CNTNAP2: variants seen among roughly 807,000 people sequenced by gnomAD.
CNTNAP2 encodes the protein contactin associated protein 2.
CNTNAP2 carries 98 observed loss-of-function variants against 155.2 expected under a neutral mutation model. The ratio of observed to expected loss-of-function variants is 0.63; its 90% CI spans 0.54 to 0.75. The LOEUF (loss-of-function observed/expected upper bound fraction) is 0.75. Ranked by LOEUF, CNTNAP2 falls within the 30% of genes least tolerant of loss-of-function variation. The pLI is 0.00. For missense variants in CNTNAP2, 1,727 were observed against 1,688.1 expected (o/e 1.02, Z -0.40); for synonymous variants, 651 against 631.2 (o/e 1.03, Z -0.47).
intron 2 of CNTNAP2, among the ~76,000 whole-genome samples, chr7:146,831,010 G>A (rs748999781): frequency 6.6e-6 from 1 of 152,074 alleles, no homozygotes; most frequent in Non-Finnish European, 1.5e-5. Context: ...CAGATATTTT[G>A]TCAAATGCTT....
chr7:147,756,983 G>A (rs1227434044), intron 13 of CNTNAP2, among the ~76,000 whole-genome samples: 1 of 152,202 alleles, frequency 6.6e-6, no homozygotes, highest in Non-Finnish European at 1.5e-5. Flanking sequence ...TAGTCAGATA[G>A]TTGTAGCATG....
chr7:146,213,461 G>A (rs867191133), intron 1 of CNTNAP2, among the ~76,000 whole-genome samples: 13 of 152,188 alleles, frequency 8.5e-5, no homozygotes, highest in Admixed American at 3.9e-4. Flanking sequence ...TTTACATGAC[G>A]ACACTGAAAA....
At chr7:148,398,900 T>G (rs1407648346) in intron 22 of CNTNAP2, among the ~76,000 whole-genome samples, 1 of 152,210 alleles carries the variant, frequency 6.6e-6, no homozygotes, top group Non-Finnish European at 1.5e-5. Flanking sequence ...CTTAAAAATA[T>G]CCCTTTTTGA....
chr7:146,603,343 C>T lies in CNTNAP2; in HGVS notation c.98-170928C>T, dbSNP rs1407401238. Among the ~76,000 whole-genome samples, 23 of 150,162 alleles carry T rather than the reference C, an allele frequency of 1.5e-4. 2 individuals are homozygous for T. The highest frequency in any genetic ancestry group is 1.5e-4 in the African/African-American group (6 of 40,912). On this transcript the variant is annotated intron_variant, in intron 1 of 23. Coordinates refer to ENST00000361727, the MANE Select transcript of CNTNAP2 (RefSeq NM_014141.6). Reference sequence around the variant, plus strand: ...AGGAGAATGGTGTGAACCCAGGAGGCGGAACTTGCAGTGAGCCGAGACCGC... The same window carrying T: ...AGGAGAATGGTGTGAACCCAGGAGGTGGAACTTGCAGTGAGCCGAGACCGC...
At chr7:147,804,172 A>T (rs1344890995) in intron 13 of CNTNAP2, among the ~76,000 whole-genome samples, 1 of 152,220 alleles carries the variant, frequency 6.6e-6, no homozygotes, top group Non-Finnish European at 1.5e-5. Context: ...AAGCTGCCAG[A>T]TCTATAAAGG....
intron 21 of CNTNAP2, among the ~76,000 whole-genome samples, chr7:148,363,631 C>T (rs542221188): frequency 6.6e-6 from 1 of 152,262 alleles, no homozygotes; most frequent in East Asian, 1.9e-4. Flanking sequence ...TCCTTGGGTT[C>T]CTTTTGAGAG....
chr7:146,399,197 ACTTT>A (rs1795678963), intron 1 of CNTNAP2, among the ~76,000 whole-genome samples: 1 of 152,162 alleles, frequency 6.6e-6, no homozygotes, highest in Non-Finnish European at 1.5e-5. Flanking sequence ...TAATGAGAAC[ACTTT>A]CTTAGCAATT....
At chr7:146,843,217 T>A (rs1188553768) in intron 3 of CNTNAP2, among the ~76,000 whole-genome samples, 3 of 140,480 alleles carry the variant, frequency 2.1e-5, no homozygotes, top group South Asian at 2.3e-4. Flanking sequence ...TTTCACCTTG[T>A]TAGCCAGGAT....
chr7:146,971,434 A>G (rs986435878), intron 3 of CNTNAP2, among the ~76,000 whole-genome samples: 3 of 152,206 alleles, frequency 2.0e-5, no homozygotes, highest in African/African-American at 7.2e-5. Flanking sequence ...AGGTGTCTAT[A>G]TCTGAGAAAA....
At chr7:148,176,375 C>T (rs968504720) in intron 18 of CNTNAP2, among the ~76,000 whole-genome samples, 3 of 151,952 alleles carry the variant, frequency 2.0e-5, no homozygotes, top group African/African-American at 7.2e-5. Flanking sequence ...GCACCCATCA[C>T]CACATCCAGC....
At chr7:147,991,628 T>A (rs751011283) in intron 15 of CNTNAP2, among the ~76,000 whole-genome samples, 1 of 152,192 alleles carries the variant, frequency 6.6e-6, no homozygotes, top group Admixed American at 6.5e-5. Context: ...CTTTGGCAAT[T>A]CTAAATTAAG....
intron 13 of CNTNAP2, among the ~76,000 whole-genome samples, chr7:147,738,930 C>T (rs1402167618): frequency 1.3e-5 from 2 of 152,140 alleles, no homozygotes; most frequent in Non-Finnish European, 2.9e-5. Context: ...GCTGGAATTA[C>T]AGGTGTGAGC....
Position 147,639,399 on chromosome 7 carries a change from T to C in CNTNAP2, c.2098+93T>C. On this transcript the variant is annotated intron_variant, in intron 13 of 23. Transcript: ENST00000361727. ...CCAACAGGTGTGGTTCATTATCTTA[T>C]AGTCTAGTCTTCAGTAGGAAGGAAG... is the stretch of plus-strand genomic sequence containing the variant. 5 of 1,176,210 alleles carry C rather than the reference T, an allele frequency of 4.3e-6. No homozygotes were observed. In the East Asian group the frequency reaches 7.6e-5, roughly 18 times the overall value. 72.9% of individuals were successfully genotyped at this position (1,176,210 alleles called of 1,614,324 possible).
chr7:147,404,136 T>C (rs536431283), intron 10 of CNTNAP2, among the ~76,000 whole-genome samples: 10 of 152,308 alleles, frequency 6.6e-5, no homozygotes, highest in African/African-American at 2.4e-4. Flanking sequence ...ATGATAATTA[T>C]TGATAAGAGG....
intron 3 of CNTNAP2, among the ~76,000 whole-genome samples, chr7:146,856,230 T>C (rs1794979697): frequency 6.6e-6 from 1 of 151,538 alleles, no homozygotes; most frequent in Admixed American, 6.6e-5. Flanking sequence ...GATAGGTAGG[T>C]AGGTAGACAG....
At chr7:146,340,991 TC>T (rs1213435376) in intron 1 of CNTNAP2, among the ~76,000 whole-genome samples, 1 of 152,206 alleles carries the variant, frequency 6.6e-6, no homozygotes, top group East Asian at 1.9e-4. Flanking sequence ...CTATTGAAAT[TC>T]CTTTTATCAG....
intron 13 of CNTNAP2, among the ~76,000 whole-genome samples, chr7:147,644,724 A>G (rs1315782512): frequency 6.6e-6 from 1 of 152,192 alleles, no homozygotes; most frequent in Non-Finnish European, 1.5e-5. Flanking sequence ...CAATACTAAT[A>G]CTTTTAGATA....
chr7:147,919,168 T>C (rs916079583), intron 14 of CNTNAP2, among the ~76,000 whole-genome samples: 3 of 151,950 alleles, frequency 2.0e-5, no homozygotes, highest in Non-Finnish European at 4.4e-5. Context: ...GACAAGGAAA[T>C]TGACTCTCAC....
chr7:146,897,690 G>C lies in CNTNAP2; in HGVS notation c.402+57786G>C, dbSNP rs1402280457. On this transcript the variant is annotated intron_variant, in intron 3 of 23. Transcript: ENST00000361727. ...CTCTGCCCTTTCTTAGTACACATCA[G>C]TGATGATATTTTTCTCTAGAGCAGT... is the stretch of plus-strand genomic sequence containing the variant. Among the ~76,000 whole-genome samples the C allele has an allele frequency of 2.6e-5, 4 of 151,808 alleles. No individual in the cohort carries two copies. In the East Asian group the frequency reaches 7.7e-4, roughly 29 times the overall value.
Sources: gnomAD v4.1 joint callset for allele counts (sites outside exome capture counted in the v4.1 genomes callset) on GRCh38, gnomAD v4.1.1 for gene constraint, MANE v1.5 for transcripts, NCBI Gene and HGNC (gene_info 2026-07-23, HGNC 2026-07-21) for gene names.